The following CTNND2 variants were observed in gnomAD, a reference collection of about 807,000 sequenced individuals.
The protein encoded by CTNND2 is catenin delta 2, also known as catenin delta-2.
In CTNND2, 22 loss-of-function variants were observed where a neutral mutation model predicts 144.4. That is an observed-to-expected ratio of 0.15 (90% CI 0.11 to 0.22). CTNND2 has a LOEUF of 0.22. CTNND2 is among the 10% of genes least tolerant of loss of function. CTNND2 has a pLI of 1.00. For synonymous variants in CTNND2, 751 were observed against 695.6 expected, an observed-to-expected ratio of 1.08 and a Z score of -1.25; for missense variants, 1,353 against 1,618.8, an observed-to-expected ratio of 0.84 and a Z score of 2.82.
At chr5:11,467,797 TG>T (rs1380150315) in intron 3 of CTNND2, among the ~76,000 whole-genome samples, 1 of 152,234 alleles carries the variant, frequency 6.6e-6, no homozygotes, top group Non-Finnish European at 1.5e-5. Flanking sequence ...CCAACATTCC[TG>T]TTTTTCTTCT....
At chr5:11,614,419 C>CA (rs934015094) in intron 2 of CTNND2, among the ~76,000 whole-genome samples, 3 of 151,952 alleles carry the variant, frequency 2.0e-5, no homozygotes, top group South Asian at 2.1e-4. Context: ...CCAAGTGATG[C>CA]AAAAAAATGT....
intron 2 of CTNND2, among the ~76,000 whole-genome samples, chr5:11,648,172 C>CTTTTTTTT (rs5865960): frequency 3.8e-5 from 5 of 132,420 alleles, no homozygotes; most frequent in Non-Finnish European, 4.8e-5. Flanking sequence ...AGAACAGTGA[C>CTTTTTTTT]TTTTTTTTTT....
chr5:11,393,188 A>G (rs1382811326), intron 6 of CTNND2, among the ~76,000 whole-genome samples: 1 of 152,234 alleles, frequency 6.6e-6, no homozygotes, highest in Admixed American at 6.5e-5. Flanking sequence ...AGAAATGGAA[A>G]TTTTGTTTCT....
At chr5:11,733,890 T>C (rs1006638156) in intron 1 of CTNND2, among the ~76,000 whole-genome samples, 1 of 152,218 alleles carries the variant, frequency 6.6e-6, no homozygotes, top group Non-Finnish European at 1.5e-5. Context: ...GGTCTGAATG[T>C]TGATGTCTCC....
intron 9 of CTNND2, among the ~76,000 whole-genome samples, chr5:11,303,090 G>A (rs1749784300): frequency 6.6e-6 from 1 of 152,190 alleles, no homozygotes; most frequent in Non-Finnish European, 1.5e-5. Flanking sequence ...CCTTAAGACT[G>A]TGAACATAAT....
At chr5:11,081,481 T>C (rs1749565783) in intron 16 of CTNND2, among the ~76,000 whole-genome samples, 3 of 152,188 alleles carry the variant, frequency 2.0e-5, no homozygotes, top group Non-Finnish European at 2.9e-5. Context: ...TTTGGGAATA[T>C]TGGCAGAATA....
At chr5:11,528,974 C>T (rs924918879) in intron 3 of CTNND2, among the ~76,000 whole-genome samples, 2 of 152,140 alleles carry the variant, frequency 1.3e-5, no homozygotes, top group Non-Finnish European at 2.9e-5. Flanking sequence ...TCACAGAGGC[C>T]GGCGTTGACA....
At chr5:11,088,506 AT>A (rs1047261358) in intron 15 of CTNND2, among the ~76,000 whole-genome samples, 1 of 151,578 alleles carries the variant, frequency 6.6e-6, no homozygotes. Flanking sequence ...TCATCTACAT[AT>A]TTTTTTTTCT....
chr5:11,110,237 C>A (rs13170756), intron 14 of CTNND2, among the ~76,000 whole-genome samples: 10,776 of 152,186 alleles, frequency 0.071, 504 homozygotes, highest in Non-Finnish European at 0.098. Flanking sequence ...AACCTACTTC[C>A]CGCTGCAGCA....
At chr5:11,473,143 G>C (rs116604422) in intron 3 of CTNND2, among the ~76,000 whole-genome samples, 2,100 of 152,296 alleles carry the variant, frequency 0.014, 49 homozygotes, top group African/African-American at 0.048. Context: ...CGGATTGGCA[G>C]TCCTCAAGAG....
chr5:11,376,788 G>C (rs1274070636), intron 7 of CTNND2, among the ~76,000 whole-genome samples: 1 of 152,156 alleles, frequency 6.6e-6, no homozygotes, highest in Non-Finnish European at 1.5e-5. Context: ...TGTCAACCTA[G>C]AACTGTCTTG....
intron 3 of CTNND2, among the ~76,000 whole-genome samples, chr5:11,440,378 G>T (rs1764157485): frequency 6.6e-6 from 1 of 152,168 alleles, no homozygotes; most frequent in Admixed American, 6.5e-5. Context: ...GCTGTAGAGG[G>T]CTTTAATTGT....
In CTNND2 at chr5:11,755,022, G is replaced by C. The variant is rs146222260; in HGVS notation, c.38-22750C>G. Among the ~76,000 whole-genome samples, 3 of 151,770 alleles carry C rather than the reference G, an allele frequency of 2.0e-5. No homozygotes were observed. In the South Asian group the frequency reaches 6.2e-4, roughly 31 times the overall value. On this transcript the variant is annotated intron_variant, in intron 1 of 21. Transcript: ENST00000304623. ...ATTATGTAGACTTGATTGTGTGGTT[G>C]CTGTATAGTGTCACTGATTTATGTA... is the stretch of plus-strand genomic sequence containing the variant.
In CTNND2 at chr5:11,173,520, C is replaced by A. The variant is rs1020348893; in HGVS notation, c.1976-13761G>T. Reference sequence around the variant, plus strand: ...TTGATGAGAGCTGATGTGCAGGGGGCACTTTCTAAAAAGGACCTCAGAGGC... The same window carrying A: ...TTGATGAGAGCTGATGTGCAGGGGGAACTTTCTAAAAAGGACCTCAGAGGC... On this transcript the variant is annotated intron_variant, in intron 11 of 21. Transcript: ENST00000304623. Among the ~76,000 whole-genome samples, 7 of 152,162 alleles carry A rather than the reference C, an allele frequency of 4.6e-5. No individual in the cohort carries two copies. In the South Asian group the frequency reaches 1.0e-3, roughly 23 times the overall value.
At chr5:11,654,723 T>A (rs1243149560) in intron 2 of CTNND2, among the ~76,000 whole-genome samples, 1 of 151,970 alleles carries the variant, frequency 6.6e-6, no homozygotes, top group Non-Finnish European at 1.5e-5. Context: ...CCAATATGGA[T>A]GTCTTTTGTT....
chr5:11,175,185 T>A (rs1249155502), intron 11 of CTNND2, among the ~76,000 whole-genome samples: 1 of 152,178 alleles, frequency 6.6e-6, no homozygotes, highest in Non-Finnish European at 1.5e-5. Context: ...AAATTCCATT[T>A]TATATTATAA....
chr5:11,902,771 G>A (rs555503681), intron 1 of CTNND2, among the ~76,000 whole-genome samples: 27 of 151,886 alleles, frequency 1.8e-4, no homozygotes, highest in Admixed American at 3.9e-4. Context: ...CTCAAATGAG[G>A]CACACAAGAA....
chr5:11,711,730 AG>A (rs1383449977), intron 2 of CTNND2, among the ~76,000 whole-genome samples: 6 of 152,368 alleles, frequency 3.9e-5, no homozygotes, highest in African/African-American at 1.4e-4. Flanking sequence ...GTTAAAATGA[AG>A]TATAGTTTTG....
chr5:11,725,013 G>A (rs562986166), intron 2 of CTNND2, among the ~76,000 whole-genome samples: 2 of 152,230 alleles, frequency 1.3e-5, no homozygotes, highest in African/African-American at 4.8e-5. Flanking sequence ...ATGAAAGTCA[G>A]AACTTGTCCT....
Sources: allele counts gnomAD v4.1 joint callset (sites outside exome capture counted in the v4.1 genomes callset), GRCh38; gene constraint gnomAD v4.1.1; transcripts MANE v1.5; gene names NCBI Gene and HGNC (gene_info 2026-07-23, HGNC 2026-07-21).